Variants in NXPH1 observed in about 807,000 individuals in gnomAD.
NXPH1 encodes the protein neurexophilin-1.
Under a neutral mutation model 23.7 loss-of-function variants are expected in NXPH1, and 5 were observed. That is an observed-to-expected ratio of 0.21 (90% CI 0.11 to 0.44). The LOEUF (loss-of-function observed/expected upper bound fraction) is 0.44, where lower values mean the gene tolerates loss of function less well. Ranked by LOEUF, NXPH1 falls within the 20% of genes least tolerant of loss-of-function variation. The pLI is 0.99. For missense variants in NXPH1, 324 were observed against 321.6 expected (o/e 1.01, Z -0.06); for synonymous variants, 144 against 122.2 (o/e 1.18, Z -1.18).
chr7:8,716,004 T>C (rs1436613578), intron 2 of NXPH1, among the ~76,000 whole-genome samples: 1 of 152,166 alleles, frequency 6.6e-6, no homozygotes, highest in South Asian at 2.1e-4. Flanking sequence ...TGTACATATA[T>C]GTATATTTAC....
chr7:8,655,444 C>A (rs1328050972), intron 2 of NXPH1, among the ~76,000 whole-genome samples: 1 of 66,986 alleles, frequency 1.5e-5, no homozygotes, highest in African/African-American at 4.9e-5. Flanking sequence ...CTCTCTCTCT[C>A]TCTCTATACA....
chr7:8,541,849 C>T (rs1014430661), intron 2 of NXPH1, among the ~76,000 whole-genome samples: 1 of 151,200 alleles, frequency 6.6e-6, no homozygotes, highest in African/African-American at 2.4e-5. Context: ...AAAGCAGTAA[C>T]TAAAATAACA....
intron 2 of NXPH1, among the ~76,000 whole-genome samples, chr7:8,437,369 G>A (rs1816214487): frequency 7.0e-6 from 1 of 142,276 alleles, no homozygotes; most frequent in Non-Finnish European, 1.5e-5. Context: ...AGAGATGGGG[G>A]GAGGGAATGC....
chr7:8,743,375 GT>G, intron 2 of NXPH1, among the ~76,000 whole-genome samples: 1 of 122,052 alleles, frequency 8.2e-6, no homozygotes, highest in South Asian at 2.9e-4. Flanking sequence ...GACACTTCTA[GT>G]TGAAGATTGT....
In NXPH1 at chr7:8,750,029, G is replaced by C. The variant is rs113099113; in HGVS notation, c.55-979G>C. On this transcript the variant is annotated intron_variant, in intron 2 of 2. Coordinates refer to ENST00000405863, the MANE Select transcript of NXPH1 (RefSeq NM_152745.3). ...GCATGTGACTCTCACAATCCACCCT[G>C]AAGTGACCTCTCAGTCATTGACCAC... Among the ~76,000 whole-genome samples the C allele has an allele frequency of 1.3e-4, 20 of 152,280 alleles. 1 individual carries two copies. The highest frequency in any genetic ancestry group is 4.8e-4 in the African/African-American group (20 of 41,568).
intron 2 of NXPH1, among the ~76,000 whole-genome samples, chr7:8,542,021 G>A (rs1419387908): frequency 6.6e-6 from 1 of 151,378 alleles, no homozygotes; most frequent in Non-Finnish European, 1.5e-5. Context: ...TAAAATAAAT[G>A]TAAATAGCCT....
intron 2 of NXPH1, among the ~76,000 whole-genome samples, chr7:8,524,707 G>A (rs1208521813): frequency 6.6e-6 from 1 of 152,138 alleles, no homozygotes; most frequent in African/African-American, 2.4e-5. Context: ...GCTATTCTCA[G>A]GATAGTGAAT....
intron 2 of NXPH1, chr7:8,690,364 T>A (rs2115182941): frequency 6.6e-6 from 1 of 152,392 alleles, no homozygotes; most frequent in Middle Eastern, 3.4e-3. Context: ...TTTATTTTTC[T>A]CTAGCCATGG....
At chr7:8,438,362 G>T (rs1355049613) in intron 2 of NXPH1, among the ~76,000 whole-genome samples, 1 of 152,238 alleles carries the variant, frequency 6.6e-6, no homozygotes, top group African/African-American at 2.4e-5. Context: ...ATTGTCAGGA[G>T]CTGCTTTAAG....
intron 2 of NXPH1, among the ~76,000 whole-genome samples, chr7:8,474,178 T>C (rs905923934): frequency 6.6e-6 from 1 of 152,194 alleles, no homozygotes; most frequent in Admixed American, 6.5e-5. Flanking sequence ...TAATTAGGAA[T>C]GTGAGAGGAC....
intron 2 of NXPH1, among the ~76,000 whole-genome samples, chr7:8,646,499 TTAGAA>T (rs1306161071): frequency 3.3e-5 from 5 of 152,158 alleles, no homozygotes; most frequent in Non-Finnish European, 7.4e-5. Context: ...CCAGTAAACT[TTAGAA>T]GAGAATGCTA....
rs1816146092 is a variant in NXPH1, at chr7:8,434,106, A to C, written c.-760A>C. On this transcript the variant is annotated 5_prime_UTR_variant, in exon 1 of 3. Coordinates refer to ENST00000405863, the MANE Select transcript of NXPH1 (RefSeq NM_152745.3). The surrounding 1 kb of genome is among the most constrained non-coding windows in gnomAD (Gnocchi z 7.6). The stretch of plus-strand genomic sequence containing the variant: ...GACAGCGCCCGGGACTCCACTGGGG[A>C]CCGGCTCCTGGGCTTCCCAGCGTCG... The C allele has an allele frequency of 6.6e-6, 1 of 152,148 alleles. No homozygotes were observed. Among genetic ancestry groups the C allele is most frequent in the African/African-American group, 2.4e-5 (1 of 41,402 alleles). The allele number at this position is 152,148 out of a possible 1,614,324, so 9.4% of individuals were successfully genotyped here.
chr7:8,691,348 C>T (rs1045376243), intron 2 of NXPH1, among the ~76,000 whole-genome samples: 2 of 152,006 alleles, frequency 1.3e-5, no homozygotes, highest in African/African-American at 4.8e-5. Context: ...AGGGTTTCTT[C>T]AGGTTTGTCA....
At chr7:8,497,175 T>C (rs1231038499) in intron 2 of NXPH1, among the ~76,000 whole-genome samples, 1 of 152,170 alleles carries the variant, frequency 6.6e-6, no homozygotes, top group Non-Finnish European at 1.5e-5. Flanking sequence ...TCCATGTCCC[T>C]ACAAAGAACA....
chr7:8,727,505 G>T (rs974543513), intron 2 of NXPH1, among the ~76,000 whole-genome samples: 1 of 150,468 alleles, frequency 6.6e-6, no homozygotes, highest in African/African-American at 2.5e-5. Flanking sequence ...ATCTTGAATT[G>T]ATTTTTGTAT....
intron 2 of NXPH1, among the ~76,000 whole-genome samples, chr7:8,669,669 T>A (rs1820836023): frequency 6.6e-6 from 1 of 152,088 alleles, no homozygotes; most frequent in Admixed American, 6.6e-5. Context: ...CAGCTGTGTT[T>A]TACTGGAGTG....
In NXPH1 at chr7:8,588,143, G is replaced by C. The variant is rs139803164; in HGVS notation, c.54+152376G>C. 2.1e-3 allele frequency among the ~76,000 whole-genome samples: 323 copies of C among 152,264 alleles called. 3 individuals carry two copies. The highest frequency in any genetic ancestry group is 7.2e-3 in the African/African-American group (300 of 41,556). On this transcript the variant is annotated intron_variant, in intron 2 of 2. Coordinates refer to ENST00000405863, the MANE Select transcript of NXPH1 (RefSeq NM_152745.3). ...GGAGAAATAGGAATGCTTTTACACT[G>C]TTGGTGGGAGTGTAAATTAGTTCAA...
intron 2 of NXPH1, among the ~76,000 whole-genome samples, chr7:8,661,923 T>TC (rs139373889): frequency 1.3e-5 from 2 of 151,538 alleles, no homozygotes; most frequent in Non-Finnish European, 2.9e-5. Context: ...ATATCAAGTA[T>TC]CCCCCCCAAA....
chr7:8,454,011 T>C (rs1316144984), intron 2 of NXPH1, among the ~76,000 whole-genome samples: 3 of 152,118 alleles, frequency 2.0e-5, no homozygotes, highest in Admixed American at 6.6e-5. Context: ...ATACTACATG[T>C]TTGCACTCAT....
Sources: gnomAD v4.1 joint callset for allele counts (sites outside exome capture counted in the v4.1 genomes callset) on GRCh38, gnomAD v4.1.1 for gene constraint, Gnocchi (gnomAD v3.1) non-coding constraint, MANE v1.5 for transcripts, NCBI Gene and HGNC (gene_info 2026-07-23, HGNC 2026-07-21) for gene names.